Variants in ADGRL3 observed in about 807,000 individuals in gnomAD.
ADGRL3 encodes calcium-independent alpha-latrotoxin receptor 3.
ADGRL3 carries 62 observed loss-of-function variants against 153.5 expected under a neutral mutation model. That is an observed-to-expected ratio of 0.40 (90% confidence interval 0.33 to 0.50). The LOEUF (loss-of-function observed/expected upper bound fraction) is 0.50, where lower values mean the gene tolerates loss of function less well. Among genes scored for constraint, ADGRL3 ranks in the 20% least tolerant of loss-of-function variants. The pLI is 0.47. For missense variants in ADGRL3, 1,641 were observed against 1,859.4 expected (o/e 0.88, Z 2.16); for synonymous variants, 710 against 672.5 (o/e 1.06, Z -0.86).
chr4:61,563,703 A>G (rs1579555751), intron 4 of ADGRL3, among the ~76,000 whole-genome samples: 1 of 152,072 alleles, frequency 6.6e-6, no homozygotes, highest in African/African-American at 2.4e-5. Context: ...TGCTATGGAG[A>G]TTACTTCTTT....
intron 8 of ADGRL3, among the ~76,000 whole-genome samples, chr4:61,747,864 C>G (rs1195326026): frequency 6.6e-6 from 1 of 151,832 alleles, no homozygotes; most frequent in African/African-American, 2.4e-5. Flanking sequence ...TCAGGGCAAT[C>G]AAGCAGGAGA....
intron 4 of ADGRL3, among the ~76,000 whole-genome samples, chr4:61,552,498 C>G (rs1182178309): frequency 3.9e-5 from 6 of 152,056 alleles, no homozygotes; most frequent in Non-Finnish European, 8.8e-5. Context: ...GGATTTCGCT[C>G]TGTCACTCAG....
chr4:61,443,083 G>C (rs561508853), intron 2 of ADGRL3, among the ~76,000 whole-genome samples: 1 of 152,270 alleles, frequency 6.6e-6, no homozygotes, highest in African/African-American at 2.4e-5. Flanking sequence ...CCAGTGCACT[G>C]TTTCTGACCC....
chr4:61,470,869 T>C (rs547287962), intron 2 of ADGRL3, among the ~76,000 whole-genome samples: 1 of 152,128 alleles, frequency 6.6e-6, no homozygotes, highest in East Asian at 1.9e-4. Flanking sequence ...AAATTCATGA[T>C]GTACCTCTTT....
intron 6 of ADGRL3, among the ~76,000 whole-genome samples, chr4:61,728,913 G>A (rs568453840): frequency 1.3e-5 from 2 of 152,134 alleles, no homozygotes; most frequent in African/African-American, 4.8e-5. Flanking sequence ...TAAGGCTTGA[G>A]ATGCCTGTAT....
intron 1 of ADGRL3, among the ~76,000 whole-genome samples, chr4:61,305,729 T>G (rs2094756963): frequency 6.6e-6 from 1 of 152,128 alleles, no homozygotes; most frequent in Non-Finnish European, 1.5e-5. Flanking sequence ...AGGCTTTATT[T>G]GGTGGCCATG....
At chr4:61,323,053 C>T (rs1438214229) in intron 1 of ADGRL3, among the ~76,000 whole-genome samples, 2 of 152,224 alleles carry the variant, frequency 1.3e-5, no homozygotes, top group Non-Finnish European at 2.9e-5. Flanking sequence ...AACCTTAATT[C>T]TTGATTGCTG....
chr4:61,896,729 T>G (rs2098633829), intron 11 of ADGRL3, among the ~76,000 whole-genome samples: 1 of 152,188 alleles, frequency 6.6e-6, no homozygotes, highest in African/African-American at 2.4e-5. Context: ...AGTTACCCTC[T>G]TACATATGCA....
chr4:61,712,200 T>C (rs1022653161), intron 6 of ADGRL3, among the ~76,000 whole-genome samples: 2 of 151,898 alleles, frequency 1.3e-5, no homozygotes, highest in African/African-American at 4.8e-5. Flanking sequence ...TCGAGACCAG[T>C]CTGGGCAACA....
intron 9 of ADGRL3, among the ~76,000 whole-genome samples, chr4:61,823,344 T>C (rs1376306): frequency 0.55 from 83,584 of 152,122 alleles, 24,391 homozygotes; most frequent in African/African-American, 0.74. Flanking sequence ...TAATAGCTAA[T>C]ATTTACTATG....
chr4:61,757,276 T>G (rs1405217715), intron 8 of ADGRL3, among the ~76,000 whole-genome samples: 2 of 152,194 alleles, frequency 1.3e-5, no homozygotes, highest in Non-Finnish European at 2.9e-5. Context: ...GGTAAGCTAT[T>G]AATTATTGCC....
intron 2 of ADGRL3, among the ~76,000 whole-genome samples, chr4:61,490,457 A>C (rs530337053): frequency 3.3e-5 from 5 of 152,224 alleles, no homozygotes; most frequent in Admixed American, 3.3e-4. Flanking sequence ...AACACAGTGC[A>C]TACTTGTAAT....
intron 1 of ADGRL3, among the ~76,000 whole-genome samples, chr4:61,372,509 C>T (rs1408984571): frequency 6.6e-6 from 1 of 152,128 alleles, no homozygotes; most frequent in African/African-American, 2.4e-5. Context: ...TCAGTGTGCC[C>T]CTGCTCATGG....
chr4:61,384,936 T>A (rs1210256316), intron 2 of ADGRL3, among the ~76,000 whole-genome samples: 1 of 152,096 alleles, frequency 6.6e-6, no homozygotes, highest in Non-Finnish European at 1.5e-5. Flanking sequence ...TGCTAACGGA[T>A]ACAAGGTTTC....
chr4:62,041,920 T>A (rs1331209954), intron 24 of ADGRL3, among the ~76,000 whole-genome samples: 1 of 152,086 alleles, frequency 6.6e-6, no homozygotes, highest in African/African-American at 2.4e-5. Flanking sequence ...ATGACTGCAT[T>A]CCAATGCTGG....
intron 4 of ADGRL3, among the ~76,000 whole-genome samples, chr4:61,530,410 C>T (rs1441292628): frequency 6.6e-6 from 1 of 151,612 alleles, no homozygotes; most frequent in Non-Finnish European, 1.5e-5. Context: ...AAAATCTTCA[C>T]AGAGTATATG....
intron 5 of ADGRL3, 109 bp downstream of exon 5, chr4:61,587,549 A>G (rs970344225): frequency 4.9e-6 from 4 of 815,032 alleles, no homozygotes; most frequent in Non-Finnish European, 7.5e-6. Context: ...ATTTTAGGAC[A>G]CTTCAAAATA....
At chr4:61,354,578 G>C (rs1201896311) in intron 1 of ADGRL3, among the ~76,000 whole-genome samples, 2 of 150,632 alleles carry the variant, frequency 1.3e-5, no homozygotes, top group African/African-American at 4.9e-5. Context: ...CTTTGTCTGT[G>C]TGTGTGTGTG....
chr4:61,900,636 G>A (rs1181260935), intron 11 of ADGRL3, among the ~76,000 whole-genome samples: 1 of 152,084 alleles, frequency 6.6e-6, no homozygotes, highest in Non-Finnish European at 1.5e-5. Flanking sequence ...AGAAAAAAGA[G>A]AGGGAAAGGG....
Sources: allele counts gnomAD v4.1 joint callset (sites outside exome capture counted in the v4.1 genomes callset), GRCh38; gene constraint gnomAD v4.1.1; transcripts MANE v1.5; gene names NCBI Gene and HGNC (gene_info 2026-07-23, HGNC 2026-07-21).